The following EBF1 variants were observed in gnomAD, a reference collection of about 807,000 sequenced individuals.
The protein encoded by EBF1 is EBF transcription factor 1, also known as transcription factor COE1.
A neutral mutation model predicts 68.4 loss-of-function variants in EBF1; 10 were observed. The observed-to-expected ratio is 0.15, with a 90% CI of 0.09 to 0.25. The LOEUF (loss-of-function observed/expected upper bound fraction) is 0.25, where lower values mean the gene tolerates loss of function less well. Among genes scored for constraint, EBF1 ranks in the 10% least tolerant of loss-of-function variants. The pLI, the probability that EBF1 is intolerant of heterozygous loss-of-function variation, is 1.00. For missense variants in EBF1, 509 were observed against 794.4 expected (o/e 0.64, Z 4.32); for synonymous variants, 298 against 299.8 (o/e 0.99, Z 0.06).
At chr5:158,927,487 G>A (rs952829305) in intron 6 of EBF1, among the ~76,000 whole-genome samples, 1 of 152,102 alleles carries the variant, frequency 6.6e-6, no homozygotes, top group African/African-American at 2.4e-5. Context: ...ATATATACCA[G>A]CAAGTACACA....
chr5:159,012,867 AT>A, intron 6 of EBF1, among the ~76,000 whole-genome samples: 1 of 152,300 alleles, frequency 6.6e-6, no homozygotes, highest in East Asian at 1.9e-4. Flanking sequence ...TTAATCCAAT[AT>A]GACTGGTGTC....
At chr5:159,035,203 C>T (rs1435266647) in intron 6 of EBF1, among the ~76,000 whole-genome samples, 1 of 151,912 alleles carries the variant, frequency 6.6e-6, no homozygotes, top group East Asian at 1.9e-4. Context: ...GCAATAAATC[C>T]AAAGGCTCAT....
intron 6 of EBF1, among the ~76,000 whole-genome samples, chr5:159,032,656 C>G (rs991184447): frequency 5.3e-5 from 8 of 152,214 alleles, no homozygotes; most frequent in African/African-American, 1.9e-4. Context: ...GTCTCCCTAT[C>G]TCTCCGAAAC....
At chr5:159,014,043 C>T (rs1765179517) in intron 6 of EBF1, among the ~76,000 whole-genome samples, 1 of 152,164 alleles carries the variant, frequency 6.6e-6, no homozygotes, top group South Asian at 2.1e-4. Context: ...ATTGGGCTTC[C>T]TAAGCACACA....
At chr5:158,905,603 G>C (rs1305384970) in intron 6 of EBF1, among the ~76,000 whole-genome samples, 1 of 152,152 alleles carries the variant, frequency 6.6e-6, no homozygotes, top group Non-Finnish European at 1.5e-5. Flanking sequence ...TTCGAACAAA[G>C]CCAAATGTTT....
chr5:158,809,740 C>T (rs1782270656), intron 8 of EBF1, among the ~76,000 whole-genome samples: 1 of 152,150 alleles, frequency 6.6e-6, no homozygotes, highest in African/African-American at 2.4e-5. Flanking sequence ...ACATGTTGGG[C>T]TGCTAAACAC....
chr5:159,061,906 A>G (rs989479867), intron 6 of EBF1, among the ~76,000 whole-genome samples: 1 of 152,164 alleles, frequency 6.6e-6, no homozygotes, highest in East Asian at 1.9e-4. Flanking sequence ...AATCTTGAGG[A>G]GAGCTTATTC....
chr5:158,965,443 A>G (rs1753915914), intron 6 of EBF1, among the ~76,000 whole-genome samples: 1 of 152,220 alleles, frequency 6.6e-6, no homozygotes, highest in Non-Finnish European at 1.5e-5. Flanking sequence ...GAAGATTAAT[A>G]TCATGCAGAA....
chr5:158,770,045 A>C (rs1773563076), intron 10 of EBF1, among the ~76,000 whole-genome samples: 1 of 152,166 alleles, frequency 6.6e-6, no homozygotes. Flanking sequence ...GAGTTTGCTT[A>C]GGCTTGTCTT....
intron 6 of EBF1, among the ~76,000 whole-genome samples, chr5:159,030,639 A>G (rs575312338): frequency 2.0e-5 from 3 of 152,226 alleles, no homozygotes; most frequent in Non-Finnish European, 2.9e-5. Flanking sequence ...GAAATTGGCG[A>G]TGAGCAAGTA....
intron 9 of EBF1, among the ~76,000 whole-genome samples, chr5:158,790,085 T>C (rs1376230133): frequency 3.3e-5 from 5 of 152,224 alleles, no homozygotes; most frequent in Non-Finnish European, 7.3e-5. Flanking sequence ...TCTGGGAATG[T>C]AGCTGAAGAA....
chr5:158,899,244 T>A, intron 6 of EBF1, among the ~76,000 whole-genome samples: 1 of 152,232 alleles, frequency 6.6e-6, no homozygotes, highest in East Asian at 1.9e-4. Flanking sequence ...ATACCACCAC[T>A]GGCACTGAAA....
intron 10 of EBF1, among the ~76,000 whole-genome samples, chr5:158,758,073 T>C (rs1307827800): frequency 6.6e-6 from 1 of 152,230 alleles, no homozygotes; most frequent in African/African-American, 2.4e-5. Flanking sequence ...AGTACTTTAC[T>C]CGTATTATTT....
At chr5:158,864,223 C>CAAAA (rs34498854) in intron 6 of EBF1, among the ~76,000 whole-genome samples, 5 of 58,610 alleles carry the variant, frequency 8.5e-5, no homozygotes, top group African/African-American at 2.7e-4. Context: ...GACTCTGTCT[C>CAAAA]AAAAAAAAAA....
intron 6 of EBF1, among the ~76,000 whole-genome samples, chr5:158,910,221 T>A (rs1490606019): frequency 6.6e-6 from 1 of 152,210 alleles, no homozygotes; most frequent in Non-Finnish European, 1.5e-5. Context: ...GGAAACTCAC[T>A]GTTCCTATCA....
At chr5:158,970,675 C>G (rs900130188) in intron 6 of EBF1, among the ~76,000 whole-genome samples, 4 of 152,292 alleles carry the variant, frequency 2.6e-5, no homozygotes, top group Middle Eastern at 3.4e-3. Flanking sequence ...CGGGTTAAAG[C>G]AGTTAAGACT....
chr5:158,721,863 G>T (rs1034242764), intron 11 of EBF1, among the ~76,000 whole-genome samples: 2 of 151,632 alleles, frequency 1.3e-5, no homozygotes. Flanking sequence ...TGTGAAACCA[G>T]GTATTTCTGA....
chr5:158,791,030 G>A (rs1017970774), intron 9 of EBF1, among the ~76,000 whole-genome samples: 1 of 152,030 alleles, frequency 6.6e-6, no homozygotes, highest in African/African-American at 2.4e-5. Context: ...ACTCTAAAAG[G>A]AATCACTAGG....
chr5:158,945,998 C>T (rs1056174714), intron 6 of EBF1, among the ~76,000 whole-genome samples: 11 of 152,078 alleles, frequency 7.2e-5, no homozygotes, highest in African/African-American at 2.4e-4. Flanking sequence ...CTGTATGTTT[C>T]GGGAAGTTCT....
Sources: gnomAD v4.1 joint callset for allele counts (sites outside exome capture counted in the v4.1 genomes callset) on GRCh38, gnomAD v4.1.1 for gene constraint, MANE v1.5 for transcripts, NCBI Gene and HGNC (gene_info 2026-07-23, HGNC 2026-07-21) for gene names.